Variants in EGLN1 observed in about 807,000 individuals in gnomAD.
EGLN1 encodes the protein egl nine homolog 1.
Under a neutral mutation model 38.3 loss-of-function variants are expected in EGLN1, and 17 were observed. The ratio of observed to expected loss-of-function variants is 0.44; its 90% CI spans 0.30 to 0.67. The LOEUF is 0.67. Ranked by LOEUF, EGLN1 falls within the 30% of genes least tolerant of loss-of-function variation. EGLN1 has a pLI of 0.08. For synonymous variants in EGLN1, 283 were observed against 257.5 expected (o/e 1.10, Z -0.95); for missense variants, 477 against 603.3 (o/e 0.79, Z 2.19).
chr1:231,368,569 C>A (rs1687723808), intron 3 of EGLN1, among the ~76,000 whole-genome samples: 1 of 152,074 alleles, frequency 6.6e-6, no homozygotes, highest in Admixed American at 6.5e-5. Context: ...CTTTCTGATA[C>A]AAATAATGGG....
chr1:231,370,790 A>T, intron 2 of EGLN1, 92 bp from the exon 3 acceptor site: 1 of 1,394,524 alleles, frequency 7.2e-7, no homozygotes. Flanking sequence ...TCAATGTCTT[A>T]ATTGGATTAT....
rs1312197079 is a variant in EGLN1 at position 231,365,089 on chromosome 1, C to T, written c.*1322G>A. The T allele has an allele frequency of 6.6e-6, 1 of 152,164 alleles. No individual in the cohort carries two copies. Among genetic ancestry groups the T allele is most frequent in the African/African-American group, 2.4e-5 (1 of 41,428 alleles). The allele number at this position is 152,164 out of a possible 1,614,324, so 9.4% of individuals were successfully genotyped here. On this transcript the variant is annotated 3_prime_UTR_variant, in exon 5 of 5. Coordinates refer to ENST00000366641, the MANE Select transcript of EGLN1 (RefSeq NM_022051.3). ...GGCTGGCATCACATCTGGGAAATGC[C>T]TTAACAGATATCTGAGGAGTTACTG...
chr1:231,405,432 C>G (rs929160119), intron 1 of EGLN1, among the ~76,000 whole-genome samples: 6 of 152,098 alleles, frequency 3.9e-5, no homozygotes, highest in Admixed American at 3.3e-4. Context: ...CCACCTCAGC[C>G]TCCCAAAGCG....
intron 1 of EGLN1, among the ~76,000 whole-genome samples, chr1:231,404,135 G>T (rs1462844863): frequency 6.6e-6 from 1 of 152,030 alleles, no homozygotes. Flanking sequence ...AAAATGTTAA[G>T]AATAATTAAT....
At chr1:231,379,957 C>G (rs1490615740) in intron 1 of EGLN1, among the ~76,000 whole-genome samples, 1 of 152,192 alleles carries the variant, frequency 6.6e-6, no homozygotes, top group Non-Finnish European at 1.5e-5. Context: ...ATCACTATCA[C>G]TACCTTGGGG....
At chr1:231,372,323 A>G (rs1024165297) in intron 2 of EGLN1, among the ~76,000 whole-genome samples, 1 of 152,240 alleles carries the variant, frequency 6.6e-6, no homozygotes, top group Non-Finnish European at 1.5e-5. Flanking sequence ...GACACACTAC[A>G]TATTCAGTGC....
At chr1:231,416,684 G>A (rs1020987026) in intron 1 of EGLN1, among the ~76,000 whole-genome samples, 6 of 152,030 alleles carry the variant, frequency 3.9e-5, no homozygotes, top group African/African-American at 9.7e-5. Context: ...ATCTTTTAAC[G>A]TAAAATAAAA....
chr1:231,370,568 G>C lies in EGLN1; in HGVS notation c.1142C>G (p.Ala381Gly). 6.2e-7 allele frequency: 1 copy of C among 1,613,608 alleles called. No individual in the cohort carries two copies. Among genetic ancestry groups the C allele is most frequent in the Non-Finnish European group, 8.5e-7 (1 of 1,180,020 alleles). Residue 381 changes from alanine (A) to glycine (G), a missense_variant, in exon 3 of 5, where the codon GCT becomes GGT. Ala to Gly is a moderately conservative substitution (Grantham distance 60). Around this residue, in one of 4 missense-constraint regions of EGLN1, gnomAD observed 59 missense variants for 119.0 expected, o/e 0.50. Coordinates refer to ENST00000366641, the MANE Select transcript of EGLN1 (RefSeq NM_022051.3). ...TTCTGAAAAGGAATACTACCTTGTAGCATATGCTGGTTGTACTTCATGAGG... is the reference window on the plus strand; with the variant it reads ...TTCTGAAAAGGAATACTACCTTGTACCATATGCTGGTTGTACTTCATGAGG... The part of the protein sequence containing the change: ...RNPHEVQPAY[A>G]TRYAITVWYF...
In EGLN1 at chr1:231,366,194, C is replaced by T; in HGVS notation, c.*217G>A. The T allele has an allele frequency of 1.7e-6, 1 of 587,928 alleles. No individual in the cohort carries two copies. The highest frequency in any genetic ancestry group is 2.2e-5 in the South Asian group (1 of 44,686). The allele number at this position is 587,928 out of a possible 1,614,324, so 36.4% of individuals were successfully genotyped here. On this transcript the variant is annotated 3_prime_UTR_variant, in exon 5 of 5. Transcript: ENST00000366641. ...CCATTTTCAATTAGTAGCTTATCTT[C>T]CTCCTGTAAGCAATCACAGATTTGA...
chr1:231,395,729 T>TG (rs1309389698), intron 1 of EGLN1, among the ~76,000 whole-genome samples: 8 of 152,166 alleles, frequency 5.3e-5, no homozygotes, highest in Non-Finnish European at 7.4e-5. Context: ...CGATGAACAA[T>TG]TTGGGATACT....
chr1:231,386,803 G>A (rs1299209791), intron 1 of EGLN1, among the ~76,000 whole-genome samples: 1 of 152,128 alleles, frequency 6.6e-6, no homozygotes, highest in Non-Finnish European at 1.5e-5. Flanking sequence ...AAAACAGAAG[G>A]TGGGTTTTAC....
chr1:231,369,841 T>TA (rs1558377763), intron 3 of EGLN1, among the ~76,000 whole-genome samples: 1 of 151,878 alleles, frequency 6.6e-6, no homozygotes, highest in Non-Finnish European at 1.5e-5. Flanking sequence ...TATTTTTTTT[T>TA]AATGTGCTAT....
At chr1:231,369,848 C>T (rs569892638) in intron 3 of EGLN1, among the ~76,000 whole-genome samples, 2 of 152,184 alleles carry the variant, frequency 1.3e-5, no homozygotes, top group African/African-American at 4.8e-5. Context: ...TTTTAATGTG[C>T]TATTTTTCTA....
chr1:231,373,700 GTGTA>G (rs1474193218), intron 2 of EGLN1, among the ~76,000 whole-genome samples: 1,929 of 136,354 alleles, frequency 0.014, 44 homozygotes, highest in African/African-American at 0.051. Context: ...GTGTGTGTGT[GTGTA>G]TGTGTGTGTG....
At chr1:231,416,151 CCTTT>C (rs1228850475) in intron 1 of EGLN1, among the ~76,000 whole-genome samples, 1 of 151,968 alleles carries the variant, frequency 6.6e-6, no homozygotes, top group Non-Finnish European at 1.5e-5. Context: ...GCACCTGGCC[CCTTT>C]CTTTCTTAAT....
At chr1:231,392,473 A>C (rs777864389) in intron 1 of EGLN1, among the ~76,000 whole-genome samples, 5 of 152,170 alleles carry the variant, frequency 3.3e-5, no homozygotes, top group Non-Finnish European at 5.9e-5. Flanking sequence ...CTGATTCACT[A>C]TATGCTGTCA....
chr1:231,375,646 T>G (rs572555047), intron 1 of EGLN1, among the ~76,000 whole-genome samples: 1 of 152,322 alleles, frequency 6.6e-6, no homozygotes, highest in African/African-American at 2.4e-5. Context: ...CAGACAGACT[T>G]AACAAGTTCC....
Position 231,380,315 on chromosome 1 carries a change from C to CAA in EGLN1, c.892-6218_892-6217dup, listed in dbSNP as rs35280417. ...TGGGCGACAGAGCGAGACTCCGTCTCAAAAAAAAAAAAAAAAAAAAGAATA... is the reference window on the plus strand; with the variant it reads ...TGGGCGACAGAGCGAGACTCCGTCTCAAAAAAAAAAAAAAAAAAAAAAGAATA... On this transcript the variant is annotated intron_variant, in intron 1 of 4. Coordinates refer to ENST00000366641, the MANE Select transcript of EGLN1 (RefSeq NM_022051.3). Among the ~76,000 whole-genome samples the CAA allele has an allele frequency of 3.2e-3, 330 of 101,802 alleles. 6 individuals are homozygous for CAA. The highest frequency in any genetic ancestry group is 4.2e-3 in the African/African-American group (107 of 25,458). The allele number at this position is 101,802 out of a possible 152,430, so 66.8% of individuals were successfully genotyped here.
intron 1 of EGLN1, among the ~76,000 whole-genome samples, chr1:231,400,225 G>A (rs750143232): frequency 7.2e-5 from 11 of 152,068 alleles, no homozygotes; most frequent in Admixed American, 2.6e-4. Flanking sequence ...CCCTACACAA[G>A]AATTCTCAGA....
Sources: gnomAD v4.1 joint callset for allele counts (sites outside exome capture counted in the v4.1 genomes callset) on GRCh38, gnomAD v4.1.1 for gene constraint, gnomAD v4.1.1 regional missense constraint, MANE v1.5 for transcripts, NCBI Gene and HGNC (gene_info 2026-07-23, HGNC 2026-07-21) for gene names.